Variants in PRSS12 observed in about 807,000 individuals in gnomAD.
PRSS12 encodes serine protease 12.
A neutral mutation model predicts 104.4 loss-of-function variants in PRSS12; 85 were observed. That is an observed-to-expected ratio of 0.81 (90% CI 0.68 to 0.98). The LOEUF (loss-of-function observed/expected upper bound fraction) is 0.98. Among genes scored for constraint, PRSS12 ranks in the 50% least tolerant of loss-of-function variants. PRSS12 has a pLI of 0.00. For synonymous variants in PRSS12, 454 were observed against 425.2 expected (o/e 1.07, Z -0.83); for missense variants, 1,141 against 1,139.2 (o/e 1.00, Z -0.02).
rs756076368 is a variant in PRSS12, at chr4:118,335,486, A to G, written c.807T>C (p.Cys269=). 1.9e-6 allele frequency: 3 copies of G among 1,614,020 alleles called. No individual in the cohort carries two copies. Among genetic ancestry groups the G allele is most frequent in the Admixed American group, 3.3e-5 (2 of 60,000 alleles). The part of the protein sequence containing the change: ...CPQKMAAAVT[C]SFSHGPTFPI... ...TCTTTTTTTTACCATGGGAAAAGCT[A>G]CACGTGACAGCAGCTGCCATCTTCT... Residue 269 remains cysteine, a synonymous_variant, in exon 3 of 13, where the codon TGT becomes TGC. Coordinates refer to ENST00000296498, the MANE Select transcript of PRSS12 (RefSeq NM_003619.4).
Position 118,281,367 on chromosome 4 carries a change from C to T in PRSS12, c.*569G>A, listed in dbSNP as rs567332134. ...AGATCACTTTGAGAATATATTGTGA[C>T]AGGCAGATGTCCTTGAGGCTTTACT... is the stretch of plus-strand genomic sequence containing the variant. On this transcript the variant is annotated 3_prime_UTR_variant, in exon 13 of 13. Coordinates refer to ENST00000296498, the MANE Select transcript of PRSS12 (RefSeq NM_003619.4). 6.3e-6 allele frequency: 1 copy of T among 158,298 alleles called. No homozygotes were observed. The highest frequency in any genetic ancestry group is 2.4e-5 in the African/African-American group (1 of 41,558). The allele number at this position is 158,298 out of a possible 1,614,324, so 9.8% of individuals were successfully genotyped here.
At chr4:118,294,847 C>T (rs1225645620) in intron 11 of PRSS12, 92 bp downstream of exon 11, 39 of 1,552,942 alleles carry the variant, frequency 2.5e-5, no homozygotes, top group Admixed American at 1.0e-4. Context: ...CATAGCCTGG[C>T]TCTGACACCT....
At chr4:118,304,171 T>C (rs1743474048) in intron 8 of PRSS12, among the ~76,000 whole-genome samples, 1 of 151,876 alleles carries the variant, frequency 6.6e-6, no homozygotes, top group African/African-American at 2.4e-5. Flanking sequence ...TGTATATGTA[T>C]GTGTGTATGT....
At chr4:118,328,432 T>A (rs747469068) in intron 4 of PRSS12, among the ~76,000 whole-genome samples, 56 of 152,190 alleles carry the variant, frequency 3.7e-4, no homozygotes, top group Admixed American at 7.9e-4. Flanking sequence ...AACCCATGAG[T>A]GTGTTCAACA....
In PRSS12 at chr4:118,352,398, G is replaced by C. The variant is rs199996930; in HGVS notation, c.323C>G (p.Pro108Arg). 518 of 1,542,026 alleles carry C rather than the reference G, an allele frequency of 3.4e-4. 3 individuals carry two copies. The African/African-American group carries it at 6.4e-3, about 19-fold the overall frequency. Residue 108 changes from proline to arginine, a missense_variant, in exon 1 of 13, where the codon CCG becomes CGG. Pro to Arg is a moderately radical substitution (Grantham distance 103). Coordinates refer to ENST00000296498, the MANE Select transcript of PRSS12 (RefSeq NM_003619.4). The stretch of plus-strand genomic sequence containing the variant: ...TGGCACCTCCGCCCACCGCAGACAC[G>C]GGGCGCCGAAGTCCGTCACGCTGAC... The part of the protein sequence containing the change: ...PWVSVTDFGA[P>R]CLRWAEVPPF...
At chr4:118,337,837 T>C (rs553311003) in intron 2 of PRSS12, among the ~76,000 whole-genome samples, 1 of 152,166 alleles carries the variant, frequency 6.6e-6, no homozygotes, top group Admixed American at 6.5e-5. Flanking sequence ...AATTATAATT[T>C]TTAGAATCAA....
At chr4:118,292,637 A>G (rs920733964) in intron 11 of PRSS12, among the ~76,000 whole-genome samples, 7 of 152,220 alleles carry the variant, frequency 4.6e-5, no homozygotes, top group African/African-American at 1.7e-4. Context: ...AAGTGAATGA[A>G]TTAATATGAT....
chr4:118,316,390 T>C, intron 5 of PRSS12, 67 bp from the exon 6 acceptor site: 1 of 1,593,944 alleles, frequency 6.3e-7, no homozygotes. Flanking sequence ...ACAACATTTG[T>C]ATTTCACAAG....
intron 11 of PRSS12, among the ~76,000 whole-genome samples, chr4:118,293,877 G>A (rs1423207973): frequency 6.6e-5 from 10 of 152,270 alleles, no homozygotes; most frequent in African/African-American, 2.4e-4. Context: ...GTCCCCATGT[G>A]CACACACCCA....
At chr4:118,336,316 T>C (rs1014461769) in intron 2 of PRSS12, among the ~76,000 whole-genome samples, 4 of 152,164 alleles carry the variant, frequency 2.6e-5, no homozygotes, top group South Asian at 2.1e-4. Flanking sequence ...AATAATAGCA[T>C]ACAGACGGGT....
At chr4:118,328,501 T>C (rs1723837070) in intron 4 of PRSS12, among the ~76,000 whole-genome samples, 1 of 152,216 alleles carries the variant, frequency 6.6e-6, no homozygotes, top group Non-Finnish European at 1.5e-5. Context: ...CTGATTATCC[T>C]TGTCAATATG....
At chr4:118,351,750 T>A (rs1046135370) in intron 1 of PRSS12, among the ~76,000 whole-genome samples, 11 of 152,186 alleles carry the variant, frequency 7.2e-5, no homozygotes, top group African/African-American at 2.4e-4. Context: ...ACCACATTTT[T>A]AAAAATCGGA....
chr4:118,347,015 T>C (rs1017696600), intron 1 of PRSS12, among the ~76,000 whole-genome samples: 1 of 151,270 alleles, frequency 6.6e-6, no homozygotes, highest in Admixed American at 6.6e-5. Context: ...CATAAGTAAA[T>C]ATACACCCCT....
chr4:118,338,240 T>G lies in PRSS12; in HGVS notation c.577A>C (p.Thr193Pro), dbSNP rs200610539. The change falls in exon 2 of 13, where the codon ACT becomes CCT. Residue 193 changes from threonine (T) to proline (P), a missense_variant. Thr to Pro is a conservative substitution (Grantham distance 38). Coordinates refer to ENST00000296498, the MANE Select transcript of PRSS12 (RefSeq NM_003619.4). Reference sequence around the variant, plus strand: ...TCATCCCAGTGGCTGCTACAGACAGTGCCCCAAACTCCACTTGCATATACT... The same window carrying G: ...TCATCCCAGTGGCTGCTACAGACAGGGCCCCAAACTCCACTTGCATATACT... The part of the protein sequence containing the change: ...VEVYASGVWG[T>P]VCSSHWDDSD... The G allele has an allele frequency of 1.7e-5, 28 of 1,613,948 alleles. No individual in the cohort carries two copies. Among genetic ancestry groups the G allele is most frequent in the Non-Finnish European group, 2.4e-5 (28 of 1,179,968 alleles).
At chr4:118,335,258 A>G (rs1724029959) in intron 3 of PRSS12, among the ~76,000 whole-genome samples, 1 of 152,118 alleles carries the variant, frequency 6.6e-6, no homozygotes, top group Admixed American at 6.6e-5. Context: ...AATAGAAAAT[A>G]TGTTAAAAAT....
chr4:118,318,044 A>G (rs1381212293), intron 5 of PRSS12, among the ~76,000 whole-genome samples: 1 of 152,226 alleles, frequency 6.6e-6, no homozygotes, highest in African/African-American at 2.4e-5. Flanking sequence ...ACGTTAATAG[A>G]TGAATGGACT....
At chr4:118,305,727 A>C (rs1036119498) in intron 8 of PRSS12, among the ~76,000 whole-genome samples, 2 of 152,198 alleles carry the variant, frequency 1.3e-5, no homozygotes, top group Non-Finnish European at 2.9e-5. Flanking sequence ...AACTATAGGT[A>C]CTGTATTGTA....
chr4:118,287,655 G>C (rs1053748357), intron 11 of PRSS12, among the ~76,000 whole-genome samples: 8 of 152,096 alleles, frequency 5.3e-5, no homozygotes, highest in Non-Finnish European at 1.2e-4. Flanking sequence ...ATATGCTTTA[G>C]GGATAACACT....
intron 7 of PRSS12, 87 bp downstream of exon 7, chr4:118,313,114 T>C (rs1418487173): frequency 6.6e-7 from 1 of 1,509,730 alleles, no homozygotes; most frequent in African/African-American, 1.4e-5. Flanking sequence ...AAGCCAAAGA[T>C]GAGAAACACT....
Sources: gnomAD v4.1 joint callset for allele counts (sites outside exome capture counted in the v4.1 genomes callset) on GRCh38, gnomAD v4.1.1 for gene constraint, MANE v1.5 for transcripts, NCBI Gene and HGNC (gene_info 2026-07-23, HGNC 2026-07-21) for gene names.